GREB1L: variants seen among roughly 807,000 people sequenced by gnomAD.
GREB1L encodes GREB1-like protein.
A neutral mutation model predicts 200.8 loss-of-function variants in GREB1L; 17 were observed. The observed-to-expected ratio is 0.08, with a 90% CI of 0.06 to 0.13. GREB1L has a LOEUF of 0.13. Among genes scored for constraint, GREB1L ranks in the 10% least tolerant of loss-of-function variants. GREB1L has a pLI of 1.00. For synonymous variants in GREB1L, 789 were observed against 893.0 expected (o/e 0.88, Z 2.08); for missense variants, 1,657 against 2,367.7 (o/e 0.70, Z 6.23).
intron 1 of GREB1L, among the ~76,000 whole-genome samples, chr18:21,286,185 C>T (rs2144519192): frequency 6.6e-6 from 1 of 152,328 alleles, no homozygotes; most frequent in East Asian, 1.9e-4. Context: ...ACCACACTTT[C>T]AGAAGCAGTG....
At chr18:21,450,913 A>T in intron 12 of GREB1L, 110 bp from the exon 13 acceptor site, 3 of 1,059,786 alleles carry the variant, frequency 2.8e-6, no homozygotes, top group Non-Finnish European at 4.0e-6. Flanking sequence ...TCTTAACCCA[A>T]GTCCCTATAG....
At chr18:21,264,669 C>A (rs1348961649) in intron 1 of GREB1L, among the ~76,000 whole-genome samples, 1 of 142,684 alleles carries the variant, frequency 7.0e-6, no homozygotes, top group African/African-American at 2.6e-5. Flanking sequence ...TTCTCCCCCT[C>A]CCCCCCTCCT....
chr18:21,420,749 A>G (rs2032081189), intron 7 of GREB1L, among the ~76,000 whole-genome samples: 1 of 152,206 alleles, frequency 6.6e-6, no homozygotes, highest in Non-Finnish European at 1.5e-5. Context: ...AGTTAAATAT[A>G]TACCAGCCAT....
chr18:21,288,442 A>G (rs1225876462), intron 1 of GREB1L, among the ~76,000 whole-genome samples: 1 of 152,222 alleles, frequency 6.6e-6, no homozygotes, highest in Non-Finnish European at 1.5e-5. Context: ...AGCACCAGTA[A>G]TTAATGAATA....
Position 21,315,275 on chromosome 18 carries a change from G to T in GREB1L, c.-119-50752G>T, listed in dbSNP as rs183311754. Reference sequence around the variant, plus strand: ...CAGCTAATTTTTAAATTATTTTGTAGAGATGGGGTTTCACTATGTTGCGCA... The same window carrying T: ...CAGCTAATTTTTAAATTATTTTGTATAGATGGGGTTTCACTATGTTGCGCA... On this transcript the variant is annotated intron_variant, in intron 1 of 32. Coordinates refer to ENST00000424526, the MANE Select transcript of GREB1L (RefSeq NM_001142966.3). 2.4e-3 allele frequency among the ~76,000 whole-genome samples: 363 copies of T among 152,144 alleles called. 2 individuals are homozygous for T. The highest frequency in any genetic ancestry group is 8.4e-3 in the African/African-American group (347 of 41,510).
rs560245044 is a variant in GREB1L, at chr18:21,256,714, A to T, written c.-120+14321A>T. On this transcript the variant is annotated intron_variant, in intron 1 of 32. Coordinates refer to ENST00000424526, the MANE Select transcript of GREB1L (RefSeq NM_001142966.3). ...TAATGAATCAATGCTGCCAAGCATGATGGCTGGTACAAAATAGACTCCCAG... is the reference window on the plus strand; with the variant it reads ...TAATGAATCAATGCTGCCAAGCATGTTGGCTGGTACAAAATAGACTCCCAG... Among the ~76,000 whole-genome samples, 19 of 152,286 alleles carry T rather than the reference A, an allele frequency of 1.2e-4. No homozygotes were observed. In the East Asian group the frequency reaches 3.7e-3, roughly 30 times the overall value.
At chr18:21,401,408 A>G (rs2041310448) in intron 6 of GREB1L, 82 bp downstream of exon 6, 9 of 1,175,900 alleles carry the variant, frequency 7.7e-6, no homozygotes, top group Non-Finnish European at 9.5e-6. Flanking sequence ...TTCAGAGTTC[A>G]GGTGGGATAC....
At chr18:21,460,174 CGTTTTTGTTTTT>C (rs1285897474) in intron 15 of GREB1L, among the ~76,000 whole-genome samples, 1 of 146,798 alleles carries the variant, frequency 6.8e-6, no homozygotes, top group Non-Finnish European at 1.5e-5. Context: ...TTTTTGTTTT[CGTTTTTGTTTTT>C]GTTTTGAGAT....
intron 28 of GREB1L, among the ~76,000 whole-genome samples, chr18:21,514,600 C>T (rs1038862040): frequency 2.6e-5 from 4 of 152,180 alleles, no homozygotes; most frequent in African/African-American, 9.7e-5. Flanking sequence ...CTGGTTTTAG[C>T]CCCAACTCTG....
chr18:21,344,307 A>C (rs2039312069), intron 1 of GREB1L, among the ~76,000 whole-genome samples: 1 of 152,100 alleles, frequency 6.6e-6, no homozygotes, highest in Admixed American at 6.5e-5. Flanking sequence ...AGGCTGAGGC[A>C]GGAGAATCGC....
chr18:21,321,188 G>A (rs1487195715), intron 1 of GREB1L, among the ~76,000 whole-genome samples: 2 of 151,400 alleles, frequency 1.3e-5, no homozygotes, highest in African/African-American at 4.9e-5. Context: ...CAGCTACTCA[G>A]GAGGCCTGAG....
rs570616735 is a variant in GREB1L, at chr18:21,525,427, A to G, written c.*2606A>G. 21 of 151,602 alleles carry G rather than the reference A, an allele frequency of 1.4e-4. No individual in the cohort carries two copies. The highest frequency in any genetic ancestry group is 4.6e-4 in the African/African-American group (19 of 41,312). The allele number at this position is 151,602 out of a possible 1,614,324, so 9.4% of individuals were successfully genotyped here. On this transcript the variant is annotated 3_prime_UTR_variant, in exon 33 of 33. Coordinates refer to ENST00000424526, the MANE Select transcript of GREB1L (RefSeq NM_001142966.3). ...TATCTCCCACCCCCTCCAAAAAGTT[A>G]TTTTTTCTTTATAGTTTTCTGGCAT...
chr18:21,494,400 T>C (rs1396041690), intron 19 of GREB1L, among the ~76,000 whole-genome samples: 3 of 152,208 alleles, frequency 2.0e-5, no homozygotes, highest in Non-Finnish European at 4.4e-5. Context: ...CTTTTCTTTA[T>C]TGAGCCTTTT....
At chr18:21,270,015 C>G (rs1274916995) in intron 1 of GREB1L, among the ~76,000 whole-genome samples, 4 of 152,128 alleles carry the variant, frequency 2.6e-5, no homozygotes, top group Admixed American at 2.0e-4. Flanking sequence ...TCCCAGTCAC[C>G]CAAATCCCCT....
At chr18:21,264,674 C>T (rs115721695) in intron 1 of GREB1L, among the ~76,000 whole-genome samples, 33 of 149,600 alleles carry the variant, frequency 2.2e-4, no homozygotes, top group African/African-American at 6.0e-4. Context: ...CCCCTCCCCC[C>T]CTCCTGGTCA....
At chr18:21,470,501 GTTTT>G (rs1163354485) in intron 15 of GREB1L, among the ~76,000 whole-genome samples, 1 of 151,910 alleles carries the variant, frequency 6.6e-6, no homozygotes, top group African/African-American at 2.4e-5. Flanking sequence ...TACTGTAAAT[GTTTT>G]TTTAAAGTAC....
intron 1 of GREB1L, among the ~76,000 whole-genome samples, chr18:21,339,770 T>G (rs1276099129): frequency 6.6e-6 from 1 of 152,258 alleles, no homozygotes; most frequent in Non-Finnish European, 1.5e-5. Flanking sequence ...TCTCTCAACC[T>G]TAGACTAAGA....
At chr18:21,328,549 C>G (rs2039059173) in intron 1 of GREB1L, among the ~76,000 whole-genome samples, 1 of 152,182 alleles carries the variant, frequency 6.6e-6, no homozygotes. Flanking sequence ...TTTGCTTGTT[C>G]TGCCTAACTT....
chr18:21,382,473 A>G (rs1189225663), intron 2 of GREB1L, among the ~76,000 whole-genome samples: 2 of 151,258 alleles, frequency 1.3e-5, no homozygotes, highest in Non-Finnish European at 2.9e-5. Flanking sequence ...AATTGTAGTT[A>G]TTATTGTTAT....
Sources: gnomAD v4.1 joint callset for allele counts (sites outside exome capture counted in the v4.1 genomes callset) on GRCh38, gnomAD v4.1.1 for gene constraint, MANE v1.5 for transcripts, NCBI Gene and HGNC (gene_info 2026-07-23, HGNC 2026-07-21) for gene names.